The following SAMD12 variants were observed in gnomAD, a reference collection of about 807,000 sequenced individuals.
SAMD12 encodes sterile alpha motif domain-containing protein 12.
SAMD12 carries 9 observed loss-of-function variants against 15.0 expected under a neutral mutation model. The observed-to-expected ratio is 0.60, with a 90% CI of 0.36 to 1.05. SAMD12 has a LOEUF of 1.05. SAMD12 is among the 50% of genes least tolerant of loss of function. SAMD12 has a pLI of 0.01. For synonymous variants in SAMD12, 86 were observed against 90.1 expected, an observed-to-expected ratio of 0.96 and a Z score of 0.25; for missense variants, 230 against 234.2, an observed-to-expected ratio of 0.98 and a Z score of 0.12.
chr8:118,555,890 TGAG>T (rs1457464099), intron 2 of SAMD12, among the ~76,000 whole-genome samples: 3 of 152,334 alleles, frequency 2.0e-5, no homozygotes, highest in South Asian at 2.1e-4. Context: ...ATTGGATCCT[TGAG>T]GAGTGTGTCA....
intron 2 of SAMD12, among the ~76,000 whole-genome samples, chr8:118,487,539 C>A (rs919763460): frequency 6.6e-6 from 1 of 152,210 alleles, no homozygotes; most frequent in Non-Finnish European, 1.5e-5. Context: ...AAATCCACAT[C>A]TGGATGCCTC....
In SAMD12 at chr8:118,621,954, A is replaced by G. The variant is rs764455503; in HGVS notation, c.-138T>C. The G allele has an allele frequency of 8.4e-6, 9 of 1,066,074 alleles. No individual in the cohort carries two copies. Among genetic ancestry groups the G allele is most frequent in the Non-Finnish European group, 1.3e-5 (9 of 687,316 alleles). The allele number at this position is 1,066,074 out of a possible 1,614,324, so 66.0% of individuals were successfully genotyped here. A position where few individuals can be genotyped will look rare whatever the true frequency, so the allele number is the denominator to read the frequency against. ...CAGGACCAACCTGCCGCGGTCACGCAAAGCGAGGCAGCCGGCTCCCGGCTC... is the reference window on the plus strand; with the variant it reads ...CAGGACCAACCTGCCGCGGTCACGCGAAGCGAGGCAGCCGGCTCCCGGCTC... On this transcript the variant is annotated 5_prime_UTR_variant, in exon 1 of 4. Coordinates refer to ENST00000314727, the MANE Select transcript of SAMD12 (RefSeq NM_207506.3).
intron 2 of SAMD12, among the ~76,000 whole-genome samples, chr8:118,518,387 T>C (rs1825300435): frequency 6.6e-6 from 1 of 152,208 alleles, no homozygotes; most frequent in Non-Finnish European, 1.5e-5. Context: ...TCCCTTCACA[T>C]TAAATCTACA....
At chr8:118,149,032 T>C in the SAMD12 span, among the ~76,000 whole-genome samples, 1 of 152,242 alleles carries the variant, frequency 6.6e-6, no homozygotes, top group Admixed American at 6.5e-5. Flanking sequence ...TACAGTTTTA[T>C]TTTTCTTGAG....
intron 2 of SAMD12, among the ~76,000 whole-genome samples, chr8:118,521,534 G>A (rs188009102): frequency 8.4e-4 from 128 of 152,174 alleles, no homozygotes; most frequent in African/African-American, 3.0e-3. Flanking sequence ...TTATCCTCCA[G>A]CTGCCTGCAT....
the SAMD12 span, among the ~76,000 whole-genome samples, chr8:118,176,541 T>A: frequency 1.9e-3 from 287 of 152,278 alleles, 1 homozygote; most frequent in Middle Eastern, 3.4e-3. Flanking sequence ...GAGGCCATTA[T>A]CCTAAGTGAA....
intron 1 of SAMD12, among the ~76,000 whole-genome samples, chr8:118,589,817 T>C (rs985937749): frequency 5.3e-5 from 8 of 152,242 alleles, no homozygotes; most frequent in Non-Finnish European, 8.8e-5. Context: ...GAAATATTAC[T>C]TTCCTTTACT....
intron 3 of SAMD12, among the ~76,000 whole-genome samples, chr8:118,409,738 T>C (rs1445034225): frequency 6.6e-6 from 1 of 152,064 alleles, no homozygotes; most frequent in Non-Finnish European, 1.5e-5. Context: ...AATATCTAGT[T>C]TTGACTAAAT....
the SAMD12 span, among the ~76,000 whole-genome samples, chr8:118,155,417 G>A: frequency 6.6e-6 from 1 of 152,186 alleles, no homozygotes. Context: ...TAAAAGTTCT[G>A]TATAGTTTTA....
At chr8:118,560,679 T>G (rs1404094542) in intron 2 of SAMD12, among the ~76,000 whole-genome samples, 1 of 152,040 alleles carries the variant, frequency 6.6e-6, no homozygotes, top group Non-Finnish European at 1.5e-5. Flanking sequence ...TCATACCGAA[T>G]AGTAGGAGGT....
At chr8:118,428,192 C>T (rs531847314) in intron 3 of SAMD12, among the ~76,000 whole-genome samples, 2 of 152,164 alleles carry the variant, frequency 1.3e-5, no homozygotes, top group African/African-American at 4.8e-5. Context: ...AATAAAAGTG[C>T]TTTCTTCTTG....
exon 5 of SAMD12, chr8:118,191,791 T>TAGAG (rs1819396155): frequency 1.8e-5 from 1 of 55,528 alleles, no homozygotes; most frequent in Non-Finnish European, 3.5e-5. Context: ...TATATATATA[T>TAGAG]ATATATATAT....
intron 2 of SAMD12, among the ~76,000 whole-genome samples, chr8:118,516,921 G>C (rs1301886012): frequency 1.3e-5 from 2 of 152,158 alleles, no homozygotes; most frequent in Non-Finnish European, 2.9e-5. Context: ...TTACAGGCGT[G>C]AGCCACCGTG....
chr8:118,327,207 G>A (rs1816608990), intron 4 of SAMD12, among the ~76,000 whole-genome samples: 1 of 152,172 alleles, frequency 6.6e-6, no homozygotes, highest in South Asian at 2.1e-4. Context: ...ACGACCTCCT[G>A]AAAAAATAAT....
At chr8:118,281,427 C>A (rs1813645282) in intron 4 of SAMD12, among the ~76,000 whole-genome samples, 1 of 152,204 alleles carries the variant, frequency 6.6e-6, no homozygotes, top group South Asian at 2.1e-4. Flanking sequence ...CCTTCTGGCT[C>A]ACTCCTGACT....
chr8:118,211,702 T>C (rs1811830676), intron 4 of SAMD12, among the ~76,000 whole-genome samples: 1 of 152,206 alleles, frequency 6.6e-6, no homozygotes, highest in South Asian at 2.1e-4. Flanking sequence ...TTCTTAATTT[T>C]CTATTCTTCT....
At chr8:118,207,117 T>C (rs76101410) in intron 4 of SAMD12, among the ~76,000 whole-genome samples, 1,558 of 152,360 alleles carry the variant, frequency 0.01, 19 homozygotes, top group Non-Finnish European at 0.017. Flanking sequence ...TGCAAGTATC[T>C]GAAACTCTAT....
chr8:118,171,915 CAT>C, the SAMD12 span, among the ~76,000 whole-genome samples: 1 of 152,054 alleles, frequency 6.6e-6, no homozygotes, highest in Non-Finnish European at 1.5e-5. Context: ...AAATGTGGCA[CAT>C]ATACGCCATA....
chr8:118,489,201 T>C (rs1184164101), intron 2 of SAMD12, among the ~76,000 whole-genome samples: 1 of 152,208 alleles, frequency 6.6e-6, no homozygotes, highest in Non-Finnish European at 1.5e-5. Context: ...TTGTCTTTTT[T>C]CTCACTGATT....
Sources: gnomAD v4.1 joint callset for allele counts (sites outside exome capture counted in the v4.1 genomes callset) on GRCh38, gnomAD v4.1.1 for gene constraint, MANE v1.5 for transcripts, NCBI Gene and HGNC (gene_info 2026-07-23, HGNC 2026-07-21) for gene names.